The following CYLD variants were observed in gnomAD, a reference collection of about 807,000 sequenced individuals.
CYLD encodes the protein ubiquitin carboxyl-terminal hydrolase CYLD.
Under a neutral mutation model 104.5 loss-of-function variants are expected in CYLD, and 26 were observed. That is an observed-to-expected ratio of 0.25 (90% CI 0.18 to 0.35). CYLD has a LOEUF of 0.35. Ranked by LOEUF, CYLD falls within the 10% of genes least tolerant of loss-of-function variation. The pLI, the probability that CYLD is intolerant of heterozygous loss-of-function variation, is 1.00. For missense variants in CYLD, 703 were observed against 1,136.1 expected (o/e 0.62, Z 5.48); for synonymous variants, 385 against 399.9 (o/e 0.96, Z 0.45).
chr16:50,787,250 C>A, intron 13 of CYLD: 1 of 363,052 alleles, frequency 2.8e-6, no homozygotes, highest in Non-Finnish European at 5.1e-6. Flanking sequence ...TCTTGTGGTG[C>A]AGAGTTGCAT....
rs200759332 is a variant in CYLD at position 50,779,692 on chromosome 16, C to G, written c.1166C>G (p.Thr389Arg). The G allele has an allele frequency of 3.5e-5, 56 of 1,613,934 alleles. No individual in the cohort carries two copies. Among genetic ancestry groups the G allele is most frequent in the Middle Eastern group, 3.3e-4 (2 of 6,058 alleles). The change falls in exon 9 of 19, where the codon ACA becomes AGA. Residue 389 changes from threonine (T) to arginine (R), a missense_variant. This residue lies in a region of CYLD where 183 missense variants were observed against 212.1 expected (regional missense o/e 0.86). Transcript: ENST00000427738. ...EVAEDPAKSL[T>R]EISTDFDRSS... ...GCAGAAGACCCTGCAAAATCTCTTA[C>G]AGAGATATCTACAGACTTTGACCGT...
chr16:50,770,265 A>G lies in CYLD; in HGVS notation c.914-4901A>G, dbSNP rs77332032. ...ACTCTTACTTTACCACTGGCAATATATGGGTAATCTGGTTTCTCTGTATCC... is the reference window on the plus strand; with the variant it reads ...ACTCTTACTTTACCACTGGCAATATGTGGGTAATCTGGTTTCTCTGTATCC... On this transcript the variant is annotated intron_variant, in intron 5 of 18. Coordinates refer to ENST00000427738, the MANE Select transcript of CYLD (RefSeq NM_001378743.1). Among the ~76,000 whole-genome samples the G allele has an allele frequency of 7.2e-3, 1,096 of 152,250 alleles. 9 individuals carry two copies. Among genetic ancestry groups the G allele is most frequent in the Non-Finnish European group, 0.011 (748 of 68,008 alleles).
At chr16:50,784,691 CTAGAG>C (rs1323448352) in intron 12 of CYLD, 20 of 426,620 alleles carry the variant, frequency 4.7e-5, no homozygotes, top group South Asian at 3.6e-4. Flanking sequence ...ACCTATTTTG[CTAGAG>C]TAAACTATAA....
At chr16:50,742,361 G>C (rs1227788597) in intron 1 of CYLD, 1 of 153,676 alleles carries the variant, frequency 6.5e-6, no homozygotes, top group Non-Finnish European at 1.4e-5. Context: ...CGAGCCGGCC[G>C]GGCCCGCGGG....
chr16:50,796,249 A>T, intron 18 of CYLD, 75 bp from the exon 19 acceptor site: 1 of 1,461,426 alleles, frequency 6.8e-7, no homozygotes, highest in South Asian at 1.2e-5. Flanking sequence ...TTTGGAAATG[A>T]TAGGATTATA....
chr16:50,743,940 C>A (rs1965952626), intron 2 of CYLD, among the ~76,000 whole-genome samples: 1 of 152,192 alleles, frequency 6.6e-6, no homozygotes, highest in South Asian at 2.1e-4. Context: ...TCTTCTCTTT[C>A]TCTTGGTTTA....
intron 4 of CYLD, 43 bp downstream of exon 4, chr16:50,751,949 AGTTT>A: frequency 1.5e-5 from 13 of 872,010 alleles, no homozygotes; most frequent in South Asian, 1.8e-5. Flanking sequence ...TATATATATT[AGTTT>A]ATATATATAT....
chr16:50,764,362 G>T (rs1171503541), intron 5 of CYLD, among the ~76,000 whole-genome samples: 1 of 152,036 alleles, frequency 6.6e-6, no homozygotes, highest in African/African-American at 2.4e-5. Context: ...GTTTGTTTTT[G>T]ATTGTCTTTT....
At chr16:50,747,346 G>C (rs1194712575) in intron 2 of CYLD, among the ~76,000 whole-genome samples, 1 of 152,150 alleles carries the variant, frequency 6.6e-6, no homozygotes, top group Non-Finnish European at 1.5e-5. Flanking sequence ...GCATACAGCA[G>C]GAAACCACAG....
chr16:50,796,423 G>C lies in CYLD; in HGVS notation c.2786G>C (p.Arg929Thr), dbSNP rs1972054512. The change falls in exon 19 of 19, where the codon AGG (arginine) becomes ACG (threonine). Residue 929 changes from arginine to threonine, a missense_variant. Transcript: ENST00000427738. ...SLEDLHSLDS[R>T]RIQGCARRLL... ...GAAGACCTGCATTCCTTGGACTCCA[G>C]GAGAATCCAAGGCTGTGCACGAAGA... is the stretch of plus-strand genomic sequence containing the variant. The C allele has an allele frequency of 3.7e-6, 6 of 1,613,862 alleles. No homozygotes were observed. Among genetic ancestry groups the C allele is most frequent in the Non-Finnish European group, 4.2e-6 (5 of 1,179,914 alleles).
rs1478012407 is a variant in CYLD, at chr16:50,744,428, A to ATTTTTCTTTGG, written c.-124+1588_-124+1589insTTTTCTTTGGT. ...CAGAAGCTTTTGGAAAAAGGCCCACATGTCTTCTTTCTTTGGTGTTCAAGC... is the reference window on the plus strand; with the variant it reads ...CAGAAGCTTTTGGAAAAAGGCCCACATTTTTCTTTGGTGTCTTCTTTCTTTGGTGTTCAAGC... On this transcript the variant is annotated intron_variant, in intron 2 of 18. Transcript: ENST00000427738. Among the ~76,000 whole-genome samples, 4 of 152,300 alleles carry ATTTTTCTTTGG rather than the reference A, an allele frequency of 2.6e-5. No homozygotes were observed. The East Asian group carries it at 5.8e-4, about 22-fold the overall frequency.
intron 18 of CYLD, chr16:50,795,864 C>A: frequency 1.9e-6 from 1 of 524,818 alleles, no homozygotes; most frequent in Non-Finnish European, 3.4e-6. Flanking sequence ...GGTGATGTGT[C>A]AAACAAACTG....
intron 2 of CYLD, among the ~76,000 whole-genome samples, chr16:50,747,831 AC>A (rs1357926735): frequency 1.3e-5 from 2 of 152,210 alleles, no homozygotes; most frequent in African/African-American, 4.8e-5. Flanking sequence ...CTCTGCTTTT[AC>A]CCTCACTGAG....
rs752180246 is a variant in CYLD, at chr16:50,770,441, TTTTC to T, written c.914-4713_914-4710del. 1.4e-4 allele frequency among the ~76,000 whole-genome samples: 21 copies of T among 151,998 alleles called. No individual in the cohort carries two copies. The East Asian group carries it at 2.5e-3, about 18-fold the overall frequency. On this transcript the variant is annotated intron_variant, in intron 5 of 18. Transcript: ENST00000427738. ...ACTCACTGTCATCTGTATATATTCT[TTTTC>T]TTTCTTTCTTTTTTTTTTTTTTGAG...
intron 5 of CYLD, among the ~76,000 whole-genome samples, chr16:50,754,988 CATATATATGTATATAT>C (rs772741619): frequency 1.1e-4 from 3 of 27,584 alleles, no homozygotes; most frequent in Admixed American, 7.8e-4. Context: ...TACATATATA[CATATATATGTATATAT>C]ACATATATAT....
intron 12 of CYLD, chr16:50,786,460 T>A: frequency 5.6e-6 from 1 of 178,364 alleles, no homozygotes; most frequent in Non-Finnish European, 1.2e-5. Context: ...CATACTGGAG[T>A]TGTATAAGAA....
Position 50,800,062 on chromosome 16 carries a change from A to C in CYLD, c.*3554A>C, listed in dbSNP as rs1186676573. On this transcript the variant is annotated 3_prime_UTR_variant, in exon 19 of 19. Coordinates refer to ENST00000427738, the MANE Select transcript of CYLD (RefSeq NM_001378743.1). ...TGTGCTGTGACAGAAAAAGTGGCAG[A>C]GTAGGGACGAGAGACCTGCATTCTA... The C allele has an allele frequency of 3.4e-5, 8 of 233,180 alleles. No homozygotes were observed. The South Asian group carries it at 5.4e-4, about 16-fold the overall frequency. 14.4% of individuals were successfully genotyped at this position (233,180 alleles called of 1,614,324 possible).
intron 2 of CYLD, among the ~76,000 whole-genome samples, chr16:50,748,341 G>T (rs920689713): frequency 6.6e-6 from 1 of 152,112 alleles, no homozygotes; most frequent in African/African-American, 2.4e-5. Flanking sequence ...GTTAAAATAG[G>T]TTTGAGAATG....
chr16:50,761,746 A>ATATCTATCTATCTATC (rs58093805), intron 5 of CYLD, among the ~76,000 whole-genome samples: 49,163 of 149,680 alleles, frequency 0.33, 8,365 homozygotes, highest in Middle Eastern at 0.38. Context: ...ACATATCTCT[A>ATATCTATCTATCTATC]TATCTATCTA....
Sources: gnomAD v4.1 joint callset for allele counts (sites outside exome capture counted in the v4.1 genomes callset) on GRCh38, gnomAD v4.1.1 for gene constraint, gnomAD v4.1.1 regional missense constraint, MANE v1.5 for transcripts, NCBI Gene and HGNC (gene_info 2026-07-23, HGNC 2026-07-21) for gene names.